TNRC6C: variants seen among roughly 807,000 people sequenced by gnomAD.
TNRC6C encodes the protein trinucleotide repeat-containing gene 6C protein.
In TNRC6C, 20 loss-of-function variants were observed where a neutral mutation model predicts 153.7. The observed-to-expected ratio is 0.13, with a 90% CI of 0.09 to 0.19. TNRC6C has a LOEUF of 0.19. TNRC6C is among the 10% of genes least tolerant of loss of function. The pLI, the probability that TNRC6C is intolerant of heterozygous loss-of-function variation, is 1.00. For missense variants in TNRC6C, 1,987 were observed against 2,172.0 expected, an observed-to-expected ratio of 0.91 and a Z score of 1.69; for synonymous variants, 811 against 841.4, an observed-to-expected ratio of 0.96 and a Z score of 0.63.
chr17:78,014,806 A>G (rs2071698591), intron 1 of TNRC6C, among the ~76,000 whole-genome samples: 1 of 151,806 alleles, frequency 6.6e-6, no homozygotes, highest in Admixed American at 6.6e-5. Flanking sequence ...TGCCACGGTG[A>G]TAGATCAGCC....
upstream of TNRC6C, among the ~76,000 whole-genome samples, chr17:77,958,820 C>G (rs1486534483): frequency 6.8e-6 from 1 of 146,352 alleles, no homozygotes; most frequent in Non-Finnish European, 1.5e-5. Context: ...GCCCGGGCCG[C>G]CCCCTGACAG....
chr17:78,022,961 T>C (rs2071864867), intron 1 of TNRC6C, among the ~76,000 whole-genome samples: 1 of 152,190 alleles, frequency 6.6e-6, no homozygotes. Context: ...TAAATTACAT[T>C]AGGTATTATA....
chr17:78,020,428 C>T (rs555344904), intron 1 of TNRC6C, among the ~76,000 whole-genome samples: 25 of 152,168 alleles, frequency 1.6e-4, no homozygotes, highest in Non-Finnish European at 3.4e-4. Context: ...AATTCTCCCA[C>T]CTGAAAAAGC....
At chr17:78,064,229 C>T (rs538339518) in intron 3 of TNRC6C, among the ~76,000 whole-genome samples, 40 of 152,120 alleles carry the variant, frequency 2.6e-4, no homozygotes, top group African/African-American at 9.6e-4. Flanking sequence ...CCCAATAGCT[C>T]GGATTACAAG....
intron 4 of TNRC6C, among the ~76,000 whole-genome samples, chr17:78,066,107 T>G (rs1015480502): frequency 9.9e-5 from 15 of 151,902 alleles, no homozygotes; most frequent in African/African-American, 3.6e-4. Context: ...GATGAGCGCC[T>G]CTAATCCCAG....
intron 1 of TNRC6C, 71 bp downstream of exon 1, chr17:77,959,339 C>CGGCCG (rs1366138457): frequency 2.0e-5 from 3 of 151,954 alleles, no homozygotes; most frequent in Admixed American, 6.6e-5. Context: ...GCCCTTTGTT[C>CGGCCG]GGCCGAGCCG....
intron 2 of TNRC6C, among the ~76,000 whole-genome samples, chr17:78,046,897 C>T (rs1287387706): frequency 6.6e-6 from 1 of 152,196 alleles, no homozygotes; most frequent in African/African-American, 2.4e-5. Flanking sequence ...GCTGAGCAAT[C>T]CTCAAGTCCT....
upstream of TNRC6C, among the ~76,000 whole-genome samples, chr17:77,958,172 CGCCGGGCGCA>C (rs1025691194): frequency 2.6e-5 from 4 of 152,002 alleles, no homozygotes; most frequent in African/African-American, 4.8e-5. Flanking sequence ...CGCCGGGCGC[CGCCGGGCGCA>C]ATTACAGCAT....
At chr17:78,077,151 C>T (rs1265783135) in intron 8 of TNRC6C, 34 bp from the exon 11 acceptor site, 4 of 1,586,618 alleles carry the variant, frequency 2.5e-6, no homozygotes, top group Non-Finnish European at 2.6e-6. Context: ...CTGATGGACA[C>T]TGCACACAGC....
At chr17:77,985,475 G>T (rs576412703) in intron 1 of TNRC6C, among the ~76,000 whole-genome samples, 1 of 151,736 alleles carries the variant, frequency 6.6e-6, no homozygotes, top group Admixed American at 6.6e-5. Flanking sequence ...GGTGGCGGGC[G>T]CCTGTAGTCC....
At chr17:78,083,752 G>A (rs772551784) in intron 11 of TNRC6C, among the ~76,000 whole-genome samples, 5 of 152,048 alleles carry the variant, frequency 3.3e-5, no homozygotes, top group Admixed American at 6.5e-5. Flanking sequence ...ATGAAACCCC[G>A]GTCAAGAATG....
chr17:78,011,666 C>G (rs971117077), intron 1 of TNRC6C, among the ~76,000 whole-genome samples: 4 of 152,174 alleles, frequency 2.6e-5, no homozygotes, highest in Non-Finnish European at 4.4e-5. Flanking sequence ...TCTTATATGG[C>G]TATATACTTT....
intron 1 of TNRC6C, among the ~76,000 whole-genome samples, chr17:77,978,889 A>T (rs186770195): frequency 4.6e-5 from 7 of 152,312 alleles, no homozygotes; most frequent in Admixed American, 2.0e-4. Flanking sequence ...GATTAAAGTG[A>T]TTCACCCTTG....
rs567125959 is a variant in TNRC6C at position 78,102,660 on chromosome 17, T to C, written c.4572+116T>C. On this transcript the variant is annotated intron_variant, in intron 18 of 19. Transcript: ENST00000301624. ...GATAGTTGGGGGTTCTTGGTCAGGG[T>C]CCATAAGTGACGCTGCATGGGAGGA... The C allele has an allele frequency of 3.7e-6, 4 of 1,070,138 alleles. No homozygotes were observed. The East Asian group carries it at 1.1e-4, about 30-fold the overall frequency. 66.3% of individuals were successfully genotyped at this position (1,070,138 alleles called of 1,614,324 possible). A position where few individuals can be genotyped will look rare whatever the true frequency, so the allele number is the denominator to read the frequency against.
chr17:77,962,962 A>C (rs1474428047), intron 1 of TNRC6C, among the ~76,000 whole-genome samples: 1 of 152,252 alleles, frequency 6.6e-6, no homozygotes, highest in Non-Finnish European at 1.5e-5. Context: ...TCAGGTGAGA[A>C]GTGGCTCCTA....
intron 1 of TNRC6C, among the ~76,000 whole-genome samples, chr17:77,968,312 G>A (rs1259205331): frequency 4.6e-5 from 7 of 152,014 alleles, no homozygotes; most frequent in African/African-American, 1.2e-4. Flanking sequence ...GATTACAGGC[G>A]TCAGCCACCG....
exon 19 of TNRC6C, chr17:78,103,488 A>G (rs1396472380): frequency 1.2e-6 from 2 of 1,613,886 alleles, no homozygotes; most frequent in African/African-American, 1.3e-5. Flanking sequence ...ATCTGACTCA[A>G]GGCAATGCTG....
intron 1 of TNRC6C, among the ~76,000 whole-genome samples, chr17:78,011,790 A>G (rs2143382745): frequency 6.6e-6 from 1 of 152,344 alleles, no homozygotes; most frequent in South Asian, 2.1e-4. Flanking sequence ...ATACTGTTTC[A>G]CAGTTCTGCA....
intron 10 of TNRC6C, among the ~76,000 whole-genome samples, chr17:78,081,427 T>A (rs2073177907): frequency 6.6e-6 from 1 of 152,226 alleles, no homozygotes; most frequent in South Asian, 2.1e-4. Flanking sequence ...TGCACAATTA[T>A]CAATATAACT....
Sources: gnomAD v4.1 joint callset for allele counts (sites outside exome capture counted in the v4.1 genomes callset) on GRCh38, gnomAD v4.1.1 for gene constraint, MANE v1.5 for transcripts, NCBI Gene and HGNC (gene_info 2026-07-23, HGNC 2026-07-21) for gene names.